Variants in STARD6 observed in about 807,000 individuals in gnomAD.
STARD6 encodes the protein StAR related lipid transfer domain containing 6, also known as stAR-related lipid transfer protein 6.
Under a neutral mutation model 22.3 loss-of-function variants are expected in STARD6, and 21 were observed. That is an observed-to-expected ratio of 0.94 (90% CI 0.67 to 1.35). The LOEUF is 1.35. Ranked by LOEUF, STARD6 falls within the 40% of genes most tolerant of loss-of-function variation. STARD6 has a pLI of 0.00. For missense variants in STARD6, 269 were observed against 266.9 expected (o/e 1.01, Z -0.05); for synonymous variants, 80 against 88.1 (o/e 0.91, Z 0.52).
chr18:54,353,428 G>C (rs1017705679), intron 4 of STARD6, among the ~76,000 whole-genome samples: 1 of 152,204 alleles, frequency 6.6e-6, no homozygotes, highest in Non-Finnish European at 1.5e-5. Context: ...CAGCACTTTG[G>C]GAAGCCAAGA....
intron 7 of STARD6, among the ~76,000 whole-genome samples, chr18:54,326,229 G>T (rs2088823524): frequency 6.6e-6 from 1 of 150,614 alleles, no homozygotes; most frequent in South Asian, 2.1e-4. Context: ...GGGAAAATCT[G>T]ATTAGTGGCT....
At position 54,350,926 on chromosome 18, in the gene STARD6, G is replaced by A. The variant is rs1214095145; in HGVS notation, c.140+3128C>T. Among the ~76,000 whole-genome samples the A allele has an allele frequency of 3.3e-5, 5 of 152,278 alleles. No individual in the cohort carries two copies. In the South Asian group the frequency reaches 6.2e-4, roughly 19 times the overall value. On this transcript the variant is annotated intron_variant, in intron 4 of 7. Transcript: ENST00000307844. ...GAAGTTGGGTAATGTGGTGCCTCCA[G>A]ATTTATTCTTTTTGCTTAGTTTTGC...
At chr18:54,337,704 A>G (rs1329205904) in intron 4 of STARD6, among the ~76,000 whole-genome samples, 1 of 152,176 alleles carries the variant, frequency 6.6e-6, no homozygotes, top group Non-Finnish European at 1.5e-5. Context: ...AGCCTAAAGT[A>G]TTTACTGTCT....
intron 4 of STARD6, among the ~76,000 whole-genome samples, chr18:54,345,071 T>C (rs1481542775): frequency 6.6e-6 from 1 of 151,996 alleles, no homozygotes; most frequent in African/African-American, 2.4e-5. Context: ...GAAAAAGAAA[T>C]AAAAGTCATC....
intron 4 of STARD6, among the ~76,000 whole-genome samples, chr18:54,341,618 G>A (rs1368352572): frequency 6.6e-6 from 1 of 152,048 alleles, no homozygotes; most frequent in Non-Finnish European, 1.5e-5. Flanking sequence ...ACAGAAATTT[G>A]GGAAATTCCC....
At chr18:54,348,260 C>G (rs2089057413) in intron 4 of STARD6, among the ~76,000 whole-genome samples, 1 of 152,054 alleles carries the variant, frequency 6.6e-6, no homozygotes, top group African/African-American at 2.4e-5. Context: ...CACATGTCTG[C>G]CTCAGAAGGT....
At chr18:54,333,437 G>A (rs1219317461) in intron 5 of STARD6, among the ~76,000 whole-genome samples, 8 of 152,120 alleles carry the variant, frequency 5.3e-5, no homozygotes, top group Admixed American at 2.0e-4. Flanking sequence ...GTGACAGAGC[G>A]AGACTCTGTC....
intron 6 of STARD6, among the ~76,000 whole-genome samples, chr18:54,329,739 T>C (rs538528175): frequency 2.0e-5 from 3 of 152,048 alleles, no homozygotes; most frequent in Admixed American, 2.0e-4. Flanking sequence ...AAGCAAAAGA[T>C]AGCTCAAATC....
At position 54,348,084 on chromosome 18, in the gene STARD6, T is replaced by C. The variant is rs1333246069; in HGVS notation, c.140+5970A>G. Among the ~76,000 whole-genome samples the C allele has an allele frequency of 3.3e-5, 5 of 152,254 alleles. No homozygotes were observed. The East Asian group carries it at 9.6e-4, about 29-fold the overall frequency. On this transcript the variant is annotated intron_variant, in intron 4 of 7. Coordinates refer to ENST00000307844, the MANE Select transcript of STARD6 (RefSeq NM_139171.2). The stretch of plus-strand genomic sequence containing the variant: ...CCATGTAAGAATGACTTTCATCTTC[T>C]GCTATGATTGTGAGACCTCCCCAGC...
At chr18:54,327,963 A>C (rs1007205593) in intron 7 of STARD6, among the ~76,000 whole-genome samples, 5 of 152,238 alleles carry the variant, frequency 3.3e-5, no homozygotes, top group African/African-American at 4.8e-5. Flanking sequence ...TGTTCTGAGT[A>C]ATGTGATGAA....
chr18:54,343,204 G>T lies in STARD6; in HGVS notation c.141-5953C>A, dbSNP rs1223200485. 8.3e-4 allele frequency among the ~76,000 whole-genome samples: 31 copies of T among 37,286 alleles called. 1 individual carries two copies. The highest frequency in any genetic ancestry group is 3.9e-3 in the African/African-American group (30 of 7,644). 24.5% of individuals were successfully genotyped at this position (37,286 alleles called of 152,430 possible). On this transcript the variant is annotated intron_variant, in intron 4 of 7. Transcript: ENST00000307844. ...TCTGCCCGGCCGCCCCGTCTGAGAA[G>T]TGAGGAGACCCTCTGCCTGGCAACC...
At chr18:54,331,648 TA>T (rs1479841051) in intron 6 of STARD6, 93 bp downstream of exon 6, 2 of 857,620 alleles carry the variant, frequency 2.3e-6, no homozygotes, top group South Asian at 1.9e-5. Flanking sequence ...AGGAAATAAT[TA>T]AAATATAATT....
At chr18:54,345,039 A>T (rs983435231) in intron 4 of STARD6, among the ~76,000 whole-genome samples, 1 of 152,216 alleles carries the variant, frequency 6.6e-6, no homozygotes, top group Non-Finnish European at 1.5e-5. Flanking sequence ...TATTGGAGGT[A>T]CTAGCCCAGG....
At chr18:54,340,685 G>A (rs1041928928) in intron 4 of STARD6, among the ~76,000 whole-genome samples, 1 of 152,090 alleles carries the variant, frequency 6.6e-6, no homozygotes, top group Non-Finnish European at 1.5e-5. Flanking sequence ...AGAGATTGTC[G>A]ACAGTATTTC....
chr18:54,355,275 A>T (rs1274676331), intron 2 of STARD6, among the ~76,000 whole-genome samples: 2 of 152,058 alleles, frequency 1.3e-5, no homozygotes, highest in Non-Finnish European at 2.9e-5. Flanking sequence ...CATATAACTG[A>T]CTGTTTCATA....
At chr18:54,344,909 G>C (rs1052539775) in intron 4 of STARD6, among the ~76,000 whole-genome samples, 1 of 152,090 alleles carries the variant, frequency 6.6e-6, no homozygotes, top group African/African-American at 2.4e-5. Context: ...ACTTGATAAA[G>C]GGCACCTATG....
At chr18:54,355,361 G>A (rs556198942) in intron 2 of STARD6, among the ~76,000 whole-genome samples, 1 of 152,130 alleles carries the variant, frequency 6.6e-6, no homozygotes. Context: ...ATTGAACCCT[G>A]CTTGAAGTTA....
chr18:54,337,333 G>A (rs921960945), intron 4 of STARD6, 82 bp from the exon 5 acceptor site: 2 of 1,340,260 alleles, frequency 1.5e-6, no homozygotes, highest in South Asian at 3.4e-5. Context: ...AAGCATAAAG[G>A]TAGGCTAATT....
intron 5 of STARD6, 75 bp from the exon 6 acceptor site, chr18:54,331,934 T>C: frequency 1.9e-6 from 2 of 1,037,814 alleles, no homozygotes; most frequent in Admixed American, 4.3e-5. Flanking sequence ...CCCCCAAATT[T>C]TATTGCATAT....
Sources: allele counts gnomAD v4.1 joint callset (sites outside exome capture counted in the v4.1 genomes callset), GRCh38; gene constraint gnomAD v4.1.1; transcripts MANE v1.5; gene names NCBI Gene and HGNC (gene_info 2026-07-23, HGNC 2026-07-21).